The following PRKN variants were observed in gnomAD, a reference collection of about 807,000 sequenced individuals.
PRKN encodes E3 ubiquitin-protein ligase parkin.
PRKN carries 56 observed loss-of-function variants against 59.5 expected under a neutral mutation model. That is an observed-to-expected ratio of 0.94 (90% CI 0.76 to 1.18). The LOEUF is 1.18. Among genes scored for constraint, PRKN ranks in the 50% most tolerant of loss-of-function variants. The probability of loss-of-function intolerance (pLI) is 0.00; values close to 1 mark genes in which losing one functional copy is unlikely to be tolerated. For missense variants in PRKN, 657 were observed against 596.4 expected (o/e 1.10, Z -1.06); for synonymous variants, 250 against 222.1 (o/e 1.13, Z -1.12).
chr6:162,706,770 C>G (rs1166649884), intron 1 of PRKN, among the ~76,000 whole-genome samples: 3 of 152,178 alleles, frequency 2.0e-5, no homozygotes, highest in Admixed American at 6.5e-5. Context: ...TTATCTATTT[C>G]ATTTTCTCTT....
intron 1 of PRKN, chr6:162,568,597 G>T (rs1780185286): frequency 2.3e-6 from 2 of 871,544 alleles, no homozygotes; most frequent in East Asian, 4.9e-5. Context: ...GAGCAGATCA[G>T]GACCCTCAAC....
intron 1 of PRKN, among the ~76,000 whole-genome samples, chr6:162,468,431 T>C (rs994407054): frequency 2.0e-5 from 3 of 152,236 alleles, no homozygotes; most frequent in Non-Finnish European, 4.4e-5. Flanking sequence ...TGTCCAGTGC[T>C]GGAAAGAGCA....
rs78431004 is a variant in PRKN at position 161,473,528 on chromosome 6, T to A, written c.1083+75326A>T. Reference sequence around the variant, plus strand: ...TACATGTGGAATCTTAAAAAAAAAATGTCAAATATATAGAGACAGAATAAA... The same window carrying A: ...TACATGTGGAATCTTAAAAAAAAAAAGTCAAATATATAGAGACAGAATAAA... On this transcript the variant is annotated intron_variant, in intron 9 of 11. Coordinates refer to ENST00000366898, the MANE Select transcript of PRKN (RefSeq NM_004562.3). This position sits in a 1 kb window ranked among gnomAD's most constrained non-coding sequence, Gnocchi z 4.1. 0.066 allele frequency among the ~76,000 whole-genome samples: 9,911 copies of A among 151,148 alleles called. 440 individuals carry two copies. The highest frequency in any genetic ancestry group is 0.12 in the African/African-American group (4,846 of 41,226).
intron 2 of PRKN, 39 bp from the exon 3 acceptor site, chr6:162,262,804 G>T (rs1221374801): frequency 2.8e-6 from 4 of 1,414,338 alleles, no homozygotes; most frequent in South Asian, 1.2e-5. Flanking sequence ...AAAAAAAAAA[G>T]GAAATGTCAA....
In PRKN at chr6:161,347,613, G is replaced by GTTTTTTTTTTTTTTTTT. The variant is rs763588687; in HGVS notation, c.*2485_*2486insAAAAAAAAAAAAAAAAA. Reference sequence around the variant, plus strand: ...GTGTAGTGGATGATCTTGCTTTTTTGTTTTTGTTTTTTTTTTTTTTTTGAG... The same window carrying GTTTTTTTTTTTTTTTTT: ...GTGTAGTGGATGATCTTGCTTTTTTGTTTTTTTTTTTTTTTTTTTTTTGTTTTTTTTTTTTTTTTGAG... On this transcript the variant is annotated 3_prime_UTR_variant, in exon 12 of 12. Transcript: ENST00000366898. 4 of 119,268 alleles carry GTTTTTTTTTTTTTTTTT rather than the reference G, an allele frequency of 3.4e-5. 1 individual carries two copies. Among genetic ancestry groups the GTTTTTTTTTTTTTTTTT allele is most frequent in the Non-Finnish European group, 5.2e-5 (3 of 58,070 alleles). 7.4% of individuals were successfully genotyped at this position (119,268 alleles called of 1,614,324 possible). A position where few individuals can be genotyped will look rare whatever the true frequency, so the allele number is the denominator to read the frequency against.
intron 1 of PRKN, among the ~76,000 whole-genome samples, chr6:162,655,445 G>A (rs536697117): frequency 1.4e-4 from 22 of 151,930 alleles, no homozygotes; most frequent in Non-Finnish European, 2.5e-4. Flanking sequence ...TTTTTTAAGC[G>A]TATATACAAA....
chr6:162,337,641 C>A (rs73028949), intron 2 of PRKN, among the ~76,000 whole-genome samples: 11,051 of 152,208 alleles, frequency 0.073, 986 homozygotes, highest in East Asian at 0.46. Flanking sequence ...GTCTCGCTGG[C>A]AGCTGCAGGA....
intron 2 of PRKN, among the ~76,000 whole-genome samples, chr6:162,439,499 C>T (rs992961202): frequency 3.9e-5 from 6 of 152,120 alleles, no homozygotes; most frequent in Non-Finnish European, 7.3e-5. Flanking sequence ...AGAAATTCAC[C>T]TCTGGATTCT....
At chr6:162,143,465 T>A (rs1031049540) in intron 4 of PRKN, among the ~76,000 whole-genome samples, 1 of 152,108 alleles carries the variant, frequency 6.6e-6, no homozygotes, top group African/African-American at 2.4e-5. Context: ...TCAGTGGTGA[T>A]ACATGGCGGC....
At chr6:161,492,254 A>AT (rs1398311364) in intron 9 of PRKN, among the ~76,000 whole-genome samples, 1 of 152,242 alleles carries the variant, frequency 6.6e-6, no homozygotes, top group African/African-American at 2.4e-5. Context: ...TGTAGAAGCT[A>AT]TTCTTGTCAG....
intron 6 of PRKN, among the ~76,000 whole-genome samples, chr6:161,874,482 TATATATTATATGTAAA>T (rs1325431548): frequency 1.2e-5 from 1 of 84,866 alleles, no homozygotes; most frequent in East Asian, 2.9e-4. Flanking sequence ...ATATGTAAAA[TATATATTATATGTAAA>T]ATATATTATA....
At chr6:162,049,790 A>G (rs1777555727) in intron 5 of PRKN, among the ~76,000 whole-genome samples, 1 of 152,152 alleles carries the variant, frequency 6.6e-6, no homozygotes, top group Non-Finnish European at 1.5e-5. Context: ...TTAATGTCCT[A>G]AAACACGACC....
At chr6:161,979,992 G>A (rs1292359902) in intron 5 of PRKN, among the ~76,000 whole-genome samples, 3 of 152,094 alleles carry the variant, frequency 2.0e-5, no homozygotes, top group Admixed American at 6.6e-5. Flanking sequence ...ACACATTTAC[G>A]ATCAGAAGCG....
At chr6:162,320,577 T>C (rs573463829) in intron 2 of PRKN, among the ~76,000 whole-genome samples, 1 of 151,726 alleles carries the variant, frequency 6.6e-6, no homozygotes, top group Non-Finnish European at 1.5e-5. Context: ...ATTAGAATTG[T>C]TAAAAATAAA....
intron 7 of PRKN, among the ~76,000 whole-genome samples, chr6:161,634,103 A>G (rs767526283): frequency 5.9e-5 from 9 of 151,968 alleles, no homozygotes; most frequent in Non-Finnish European, 1.2e-4. Flanking sequence ...AGTTATCGTT[A>G]CTGATGGGAA....
At position 161,417,671 on chromosome 6, in the gene PRKN, CA is replaced by C. The variant is rs1787913615; in HGVS notation, c.1084-30795del. ...TACTCAATACACACATTTTCACAGG[CA>C]AGGAAACTCAGGTTAAATAACTTTC... On this transcript the variant is annotated intron_variant, in intron 9 of 11. Coordinates refer to ENST00000366898, the MANE Select transcript of PRKN (RefSeq NM_004562.3). The surrounding 1 kb of genome is among the most constrained non-coding windows in gnomAD (Gnocchi z 5.4). 6.6e-6 allele frequency among the ~76,000 whole-genome samples: 1 copy of C among 152,118 alleles called. No individual in the cohort carries two copies. The highest frequency in any genetic ancestry group is 1.5e-5 in the Non-Finnish European group (1 of 68,026).
intron 1 of PRKN, among the ~76,000 whole-genome samples, chr6:162,470,742 A>G (rs1791690586): frequency 6.6e-6 from 1 of 152,098 alleles, no homozygotes; most frequent in East Asian, 1.9e-4. Context: ...AATTTTGTTT[A>G]TTTATTTTTA....
chr6:162,396,360 C>G lies in PRKN; in HGVS notation c.171+46950G>C, dbSNP rs112684286. ...TGTCCAGCCCTCCTTGCTGCCCCAC[C>G]ACATAGAATATCGAGCCAGCTAGTC... On this transcript the variant is annotated intron_variant, in intron 2 of 11. Transcript: ENST00000366898. Among the ~76,000 whole-genome samples the G allele has an allele frequency of 7.0e-3, 1,068 of 152,256 alleles. 6 individuals carry two copies. Among genetic ancestry groups the G allele is most frequent in the East Asian group, 0.017 (86 of 5,176 alleles).
chr6:162,452,232 A>G lies in PRKN; in HGVS notation c.8-8759T>C, dbSNP rs934583018. ...AAGATAATTTATCACAAGCAGACTC[A>G]TATCACAAGAAATATCAAATAAACT... On this transcript the variant is annotated intron_variant, in intron 1 of 11. Coordinates refer to ENST00000366898, the MANE Select transcript of PRKN (RefSeq NM_004562.3). Among the ~76,000 whole-genome samples the G allele has an allele frequency of 8.5e-5, 13 of 152,334 alleles. No homozygotes were observed. The East Asian group carries it at 2.3e-3, about 27-fold the overall frequency.
Sources: gnomAD v4.1 joint callset for allele counts (sites outside exome capture counted in the v4.1 genomes callset) on GRCh38, gnomAD v4.1.1 for gene constraint, Gnocchi (gnomAD v3.1) non-coding constraint, MANE v1.5 for transcripts, NCBI Gene and HGNC (gene_info 2026-07-23, HGNC 2026-07-21) for gene names.